Variants in CELF2 observed in about 807,000 individuals in gnomAD.
CELF2 encodes CUG triplet repeat RNA-binding protein 2.
CELF2 carries 8 observed loss-of-function variants against 62.6 expected under a neutral mutation model. That is an observed-to-expected ratio of 0.13 (90% CI 0.07 to 0.23). The LOEUF is 0.23. Ranked by LOEUF, CELF2 falls within the 10% of genes least tolerant of loss-of-function variation. The pLI is 1.00. For synonymous variants in CELF2, 258 were observed against 250.0 expected (o/e 1.03, Z -0.30); for missense variants, 333 against 671.0 (o/e 0.50, Z 5.56).
chr10:11,154,015 G>A (rs545324552), intron 1 of CELF2, among the ~76,000 whole-genome samples: 2 of 152,204 alleles, frequency 1.3e-5, no homozygotes, highest in Admixed American at 1.3e-4. Context: ...GGGAAAGGCA[G>A]TTAGACAGAT....
chr10:11,016,383 A>G (rs1564380626), upstream of CELF2, among the ~76,000 whole-genome samples: 1 of 152,212 alleles, frequency 6.6e-6, no homozygotes, highest in African/African-American at 2.4e-5. The surrounding 1 kb of genome is among the most constrained non-coding windows in gnomAD (Gnocchi z 5.2). Flanking sequence ...ACATCTAATG[A>G]TCTTGGAAAT....
intron 1 of CELF2, among the ~76,000 whole-genome samples, chr10:11,027,277 A>G (rs2059369139): frequency 6.6e-6 from 1 of 152,072 alleles, no homozygotes; most frequent in Non-Finnish European, 1.5e-5. Context: ...CCACAAGCTC[A>G]TGTTTTCCTG....
chr10:10,743,375 C>T, the CELF2 span, among the ~76,000 whole-genome samples: 1 of 152,176 alleles, frequency 6.6e-6, no homozygotes, highest in Non-Finnish European at 1.5e-5. Flanking sequence ...CACAATAATA[C>T]AGTTTTCTGA....
chr10:10,757,200 G>C, the CELF2 span, among the ~76,000 whole-genome samples: 2 of 152,066 alleles, frequency 1.3e-5, no homozygotes, highest in Non-Finnish European at 2.9e-5. Flanking sequence ...GCTCACACCT[G>C]TAATCTCAGT....
chr10:10,897,768 G>A (rs568099199), intron 1 of CELF2, among the ~76,000 whole-genome samples: 4 of 152,204 alleles, frequency 2.6e-5, no homozygotes, highest in Admixed American at 6.5e-5. Context: ...AACACTGACC[G>A]CTTGTACTGA....
the CELF2 span, among the ~76,000 whole-genome samples, chr10:10,790,073 G>C: frequency 6.6e-6 from 1 of 151,618 alleles, no homozygotes; most frequent in Non-Finnish European, 1.5e-5. Flanking sequence ...TAACTTTTCT[G>C]TCTGTTATTT....
intron 4 of CELF2, among the ~76,000 whole-genome samples, chr10:11,256,803 C>T (rs1164159429): frequency 6.6e-6 from 1 of 151,978 alleles, no homozygotes; most frequent in Non-Finnish European, 1.5e-5. Context: ...GGAAAATCTC[C>T]CGGGCCCTGT....
chr10:10,872,499 C>G (rs185676873), intron 1 of CELF2, among the ~76,000 whole-genome samples: 220 of 152,262 alleles, frequency 1.4e-3, no homozygotes, highest in African/African-American at 5.0e-3. Flanking sequence ...TTGCCTGATT[C>G]ACTGCACACA....
At chr10:11,240,396 A>G (rs185938412) in intron 3 of CELF2, among the ~76,000 whole-genome samples, 122 of 152,352 alleles carry the variant, frequency 8.0e-4, no homozygotes, top group Admixed American at 1.6e-3. Flanking sequence ...TGTAAGATCA[A>G]TTAACGTCAG....
chr10:11,127,190 C>T (rs565517326), intron 1 of CELF2, among the ~76,000 whole-genome samples: 287 of 152,146 alleles, frequency 1.9e-3, no homozygotes, highest in African/African-American at 6.6e-3. Flanking sequence ...TGATGGTTTC[C>T]GACTGCATTC....
rs532094513 is a variant in CELF2, at chr10:10,842,105, C to T, written c.53+43288C>T. Among the ~76,000 whole-genome samples, 58 of 152,050 alleles carry T rather than the reference C, an allele frequency of 3.8e-4. No homozygotes were observed. In the South Asian group the frequency reaches 0.012, roughly 31 times the overall value. ...ATTGGAAGACTCCAATTGTTCATTG[C>T]TGTATATGGTGAAAAATTAACTTGT... is the stretch of plus-strand genomic sequence containing the variant. On this transcript the variant is annotated intron_variant, in intron 1 of 13. Coordinates refer to the CELF2 transcript ENST00000636488.
intron 5 of CELF2, among the ~76,000 whole-genome samples, chr10:11,265,398 A>G (rs976182171): frequency 6.6e-6 from 1 of 152,252 alleles, no homozygotes; most frequent in Admixed American, 6.5e-5. Context: ...GTGGAACACT[A>G]AATTATTCTC....
At chr10:10,576,428 C>G in the CELF2 span, among the ~76,000 whole-genome samples, 13 of 152,114 alleles carry the variant, frequency 8.5e-5, no homozygotes, top group African/African-American at 3.1e-4. Flanking sequence ...GAAATCAACC[C>G]CAGAGAAGGC....
chr10:10,911,615 C>T (rs1452095020), intron 1 of CELF2, among the ~76,000 whole-genome samples: 2 of 152,232 alleles, frequency 1.3e-5, no homozygotes, highest in Non-Finnish European at 2.9e-5. Flanking sequence ...GGTTTCCCCA[C>T]GGCAGCGCCT....
chr10:10,712,147 CAAAAAAAA>C, the CELF2 span, among the ~76,000 whole-genome samples: 1,146 of 43,424 alleles, frequency 0.026, 18 homozygotes, highest in African/African-American at 0.079. Flanking sequence ...AGGATAGAGA[CAAAAAAAA>C]AAAAAAAAAA....
rs1253114654 is a variant in CELF2, at chr10:11,334,267, A to G, written c.*5214A>G. 3.3e-5 allele frequency: 5 copies of G among 152,806 alleles called. No individual in the cohort carries two copies. In the South Asian group the frequency reaches 6.2e-4, roughly 19 times the overall value. 9.5% of individuals were successfully genotyped at this position (152,806 alleles called of 1,614,324 possible). Reference sequence around the variant, plus strand: ...GTCCTCATTGTGAACATAACCGTGTAGTTGAAACAGTCAAACTTATTTTTG... The same window carrying G: ...GTCCTCATTGTGAACATAACCGTGTGGTTGAAACAGTCAAACTTATTTTTG... On this transcript the variant is annotated 3_prime_UTR_variant, in exon 13 of 13. Transcript: ENST00000633077.
At chr10:11,086,865 C>T (rs11256969) in intron 1 of CELF2, among the ~76,000 whole-genome samples, 34,142 of 151,810 alleles carry the variant, frequency 0.22, 4,215 homozygotes, top group Middle Eastern at 0.29. Context: ...TGTTTTCTTG[C>T]TTTCTTAAAG....
Position 11,319,984 on chromosome 10 carries a change from C to A in CELF2, c.1097-1205C>A. 2.5e-6 allele frequency: 1 copy of A among 392,700 alleles called. No homozygotes were observed. The allele number at this position is 392,700 out of a possible 1,614,324, so 24.3% of individuals were successfully genotyped here. On this transcript the variant is annotated intron_variant, in intron 10 of 12. Coordinates refer to ENST00000633077, the MANE Select transcript of CELF2 (RefSeq NM_001326342.2). The surrounding 1 kb of genome is among the most constrained non-coding windows in gnomAD (Gnocchi z 4.4). ...CCTCCATTCTCATTAGACTTCTTAC[C>A]TATTTTTTCAGTTAGCCATCCTTGC...
chr10:10,801,021 T>C (rs1340769875), intron 1 of CELF2, among the ~76,000 whole-genome samples: 4 of 152,106 alleles, frequency 2.6e-5, no homozygotes, highest in African/African-American at 7.2e-5. Flanking sequence ...TTTTGAAACA[T>C]GTATCGCCCC....
Sources: gnomAD v4.1 joint callset for allele counts (sites outside exome capture counted in the v4.1 genomes callset) on GRCh38, gnomAD v4.1.1 for gene constraint, Gnocchi (gnomAD v3.1) non-coding constraint, MANE v1.5 for transcripts, NCBI Gene and HGNC (gene_info 2026-07-23, HGNC 2026-07-21) for gene names.